Variants in HEMK2 observed in about 807,000 individuals in gnomAD.
HEMK2 encodes HemK methyltransferase 2, ETF1 glutamine and histone H4 lysine, also known as methyltransferase HEMK2.
chr21:28,846,161 T>G, the HEMK2 span, among the ~76,000 whole-genome samples: 1 of 152,206 alleles, frequency 6.6e-6, no homozygotes, highest in Non-Finnish European at 1.5e-5. Context: ...TATTCCATGG[T>G]GTACATGTGC....
the HEMK2 span, among the ~76,000 whole-genome samples, chr21:28,714,149 C>T: frequency 1.3e-5 from 2 of 152,196 alleles, no homozygotes; most frequent in East Asian, 3.8e-4. Context: ...CTTGATGCCT[C>T]TTCCATAAAA....
the HEMK2 span, among the ~76,000 whole-genome samples, chr21:28,685,476 G>A: frequency 1.4e-4 from 22 of 152,062 alleles, no homozygotes; most frequent in Non-Finnish European, 4.4e-5. Flanking sequence ...GTGGTAAAGT[G>A]GAAAAGGAAA....
the HEMK2 span, among the ~76,000 whole-genome samples, chr21:28,787,873 A>G: frequency 7.2e-5 from 11 of 152,152 alleles, no homozygotes; most frequent in African/African-American, 2.7e-4. Flanking sequence ...TACCCAGAGA[A>G]AAATAAGTCA....
chr21:28,869,800 C>T, the HEMK2 span, among the ~76,000 whole-genome samples: 1 of 152,152 alleles, frequency 6.6e-6, no homozygotes, highest in African/African-American at 2.4e-5. Flanking sequence ...TAGTGTGTCA[C>T]TAATAAAGAA....
chr21:28,614,449 C>T, the HEMK2 span, among the ~76,000 whole-genome samples: 1 of 151,764 alleles, frequency 6.6e-6, no homozygotes, highest in East Asian at 1.9e-4. Context: ...GTCCATCAGA[C>T]ATTTTGCAAT....
At chr21:28,695,776 C>T in the HEMK2 span, among the ~76,000 whole-genome samples, 1 of 97,832 alleles carries the variant, frequency 1.0e-5, no homozygotes, top group African/African-American at 7.7e-5. Flanking sequence ...AATGGTCCCC[C>T]AAAGTAAGTC....
chr21:28,777,734 C>T, the HEMK2 span, among the ~76,000 whole-genome samples: 381 of 152,230 alleles, frequency 2.5e-3, 2 homozygotes, highest in Middle Eastern at 0.014. Context: ...ACATTCTTGT[C>T]CTCCAAAAGA....
chr21:28,816,818 A>G, the HEMK2 span, among the ~76,000 whole-genome samples: 1 of 152,376 alleles, frequency 6.6e-6, no homozygotes, highest in African/African-American at 2.4e-5. Flanking sequence ...GCTAGAAGGC[A>G]TGAACGGTGC....
At chr21:28,876,040 AGGT>A in the HEMK2 span, 7 of 166,820 alleles carry the variant, frequency 4.2e-5, no homozygotes, top group Admixed American at 6.3e-5. Flanking sequence ...ACGACAATGA[AGGT>A]GTGTTGCTGG....
At chr21:28,784,152 G>A in the HEMK2 span, among the ~76,000 whole-genome samples, 2,356 of 152,306 alleles carry the variant, frequency 0.015, 30 homozygotes, top group Middle Eastern at 0.024. Flanking sequence ...GGCACACAGC[G>A]CGGGACTGGC....
the HEMK2 span, among the ~76,000 whole-genome samples, chr21:28,803,225 T>A: frequency 2.0e-5 from 3 of 152,232 alleles, no homozygotes; most frequent in South Asian, 6.2e-4. Flanking sequence ...TCATGTTCTG[T>A]TGGTTCCTAA....
At chr21:28,708,685 G>C in the HEMK2 span, among the ~76,000 whole-genome samples, 1 of 152,118 alleles carries the variant, frequency 6.6e-6, no homozygotes, top group Non-Finnish European at 1.5e-5. Context: ...AGCAAAAAAG[G>C]GTGTTAAAAG....
chr21:28,839,351 G>C, the HEMK2 span, among the ~76,000 whole-genome samples: 1 of 151,982 alleles, frequency 6.6e-6, no homozygotes, highest in Admixed American at 6.6e-5. Flanking sequence ...CTTCAACATA[G>C]TACTGGATGT....
chr21:28,751,699 G>C, the HEMK2 span, among the ~76,000 whole-genome samples: 1 of 152,212 alleles, frequency 6.6e-6, no homozygotes, highest in Non-Finnish European at 1.5e-5. Context: ...TTGTTTTTGA[G>C]ACAGAGTTTT....
At chr21:28,811,256 AAGAAAGAAAGAAAG>A in the HEMK2 span, among the ~76,000 whole-genome samples, 3 of 150,374 alleles carry the variant, frequency 2.0e-5, no homozygotes, top group Non-Finnish European at 3.0e-5. Flanking sequence ...AGAGGAAAGA[AAGAAAGAAAGAAAG>A]AGAAAGAAAG....
chr21:28,783,231 A>T, the HEMK2 span, among the ~76,000 whole-genome samples: 1 of 152,036 alleles, frequency 6.6e-6, no homozygotes, highest in African/African-American at 2.4e-5. Context: ...GTTGCCCAGG[A>T]TGGAGTGCAA....
the HEMK2 span, among the ~76,000 whole-genome samples, chr21:28,600,705 C>T: frequency 6.6e-6 from 1 of 152,148 alleles, no homozygotes; most frequent in Non-Finnish European, 1.5e-5. Flanking sequence ...ATTTTCTGAA[C>T]TTTTATGCTC....
the HEMK2 span, among the ~76,000 whole-genome samples, chr21:28,597,850 A>G: frequency 1.3e-5 from 2 of 152,212 alleles, no homozygotes; most frequent in Non-Finnish European, 2.9e-5. Context: ...ATAAGTATAG[A>G]TATTTCCTAG....
chr21:28,673,908 T>C, the HEMK2 span, among the ~76,000 whole-genome samples: 2 of 152,294 alleles, frequency 1.3e-5, no homozygotes, highest in South Asian at 2.1e-4. Context: ...CAGATGGTAG[T>C]GTCAGAGGCA....
Sources: gnomAD v4.1 joint callset for allele counts (sites outside exome capture counted in the v4.1 genomes callset) on GRCh38, gnomAD v4.1.1 for gene constraint, MANE v1.5 for transcripts, NCBI Gene and HGNC (gene_info 2026-07-23, HGNC 2026-07-21) for gene names.